SLC25A26: variants seen among roughly 807,000 people sequenced by gnomAD.
SLC25A26 encodes solute carrier family 25 member 26.
SLC25A26 carries 36 observed loss-of-function variants against 37.8 expected under a neutral mutation model. The observed-to-expected ratio is 0.95, with a 90% CI of 0.73 to 1.26. SLC25A26 has a LOEUF of 1.26. SLC25A26 is among the 50% of genes most tolerant of loss of function. The pLI, the probability that SLC25A26 is intolerant of heterozygous loss-of-function variation, is 0.00. For synonymous variants in SLC25A26, 129 were observed against 122.5 expected (o/e 1.05, Z -0.35); for missense variants, 390 against 331.1 (o/e 1.18, Z -1.38).
At chr3:66,263,414 A>G in intron 5 of SLC25A26, 35 bp downstream of exon 5, 1 of 1,342,418 alleles carries the variant, frequency 7.4e-7, no homozygotes, top group Non-Finnish European at 1.1e-6. Context: ...GAAGTACGAA[A>G]GAATGATGTC....
intron 6 of SLC25A26, among the ~76,000 whole-genome samples, chr3:66,347,197 C>G (rs1198145756): frequency 6.6e-6 from 1 of 151,970 alleles, no homozygotes; most frequent in Non-Finnish European, 1.5e-5. Context: ...ACCTACAGAA[C>G]GGGAGGAAAT....
chr3:66,336,412 A>G (rs1288411660), intron 5 of SLC25A26, among the ~76,000 whole-genome samples: 1 of 152,312 alleles, frequency 6.6e-6, no homozygotes, highest in African/African-American at 2.4e-5. Flanking sequence ...GGAACTGTAC[A>G]CAGTGATGTC....
chr3:66,250,223 C>A (rs140863556), intron 3 of SLC25A26, among the ~76,000 whole-genome samples: 2 of 152,256 alleles, frequency 1.3e-5, no homozygotes, highest in East Asian at 3.9e-4. Flanking sequence ...ATCTTAGATT[C>A]CTTCACCACT....
chr3:66,205,112 C>T (rs1408317205), intron 1 of SLC25A26, among the ~76,000 whole-genome samples: 1 of 152,146 alleles, frequency 6.6e-6, no homozygotes, highest in Non-Finnish European at 1.5e-5. Context: ...TTTAACATTT[C>T]ACTAATTGAA....
chr3:66,289,528 G>A (rs1323316215), intron 5 of SLC25A26, among the ~76,000 whole-genome samples: 1 of 152,136 alleles, frequency 6.6e-6, no homozygotes, highest in Admixed American at 6.5e-5. Flanking sequence ...TCCATTTTGA[G>A]TTTTCTGCTT....
intron 1 of SLC25A26, among the ~76,000 whole-genome samples, chr3:66,155,330 T>C (rs1020850004): frequency 3.3e-5 from 5 of 152,124 alleles, no homozygotes; most frequent in Non-Finnish European, 4.4e-5. Flanking sequence ...GGCAATGTAG[T>C]GAGACCCTGT....
chr3:66,150,016 G>T (rs78214365), intron 1 of SLC25A26, among the ~76,000 whole-genome samples: 26 of 152,210 alleles, frequency 1.7e-4, no homozygotes, highest in African/African-American at 6.0e-4. Context: ...GTGACCAAAC[G>T]TGGGGCTTTT....
chr3:66,145,587 G>T (rs745433831), intron 1 of SLC25A26, among the ~76,000 whole-genome samples: 4 of 151,462 alleles, frequency 2.6e-5, no homozygotes, highest in African/African-American at 9.7e-5. Context: ...TATAACTTTT[G>T]TTTTTTTTTA....
intron 1 of SLC25A26, among the ~76,000 whole-genome samples, chr3:66,209,595 A>G (rs1365866746): frequency 7.3e-6 from 1 of 137,766 alleles, no homozygotes; most frequent in Non-Finnish European, 1.5e-5. Flanking sequence ...GCATATATAT[A>G]TAAAAGGTAT....
At chr3:66,231,802 T>C (rs2072045530) in intron 1 of SLC25A26, among the ~76,000 whole-genome samples, 1 of 148,736 alleles carries the variant, frequency 6.7e-6, no homozygotes. Context: ...GATCTTGCTC[T>C]GTTGCCCAAG....
intron 6 of SLC25A26, among the ~76,000 whole-genome samples, chr3:66,360,442 A>G (rs2076671333): frequency 6.6e-6 from 1 of 152,222 alleles, no homozygotes; most frequent in South Asian, 2.1e-4. Flanking sequence ...GGAGAGGAAG[A>G]AGTACAACTG....
At chr3:66,180,039 A>G (rs983152337) in intron 1 of SLC25A26, among the ~76,000 whole-genome samples, 3 of 152,106 alleles carry the variant, frequency 2.0e-5, no homozygotes, top group Admixed American at 6.5e-5. Flanking sequence ...AAAACCCTTT[A>G]CTGGCTTCTG....
At chr3:66,164,494 C>G (rs2070399477) in intron 1 of SLC25A26, among the ~76,000 whole-genome samples, 1 of 151,928 alleles carries the variant, frequency 6.6e-6, no homozygotes, top group Admixed American at 6.6e-5. Flanking sequence ...CCCCCAATGC[C>G]CAATAGGCTT....
rs781692480 is a variant in SLC25A26 at position 66,362,935 on chromosome 3, A to G, written c.568+6A>G. On this transcript the variant is annotated splice_donor_region_variant and intron_variant, in intron 7 of 9. Coordinates refer to ENST00000354883, the MANE Select transcript of SLC25A26 (RefSeq NM_001379210.1). The stretch of plus-strand genomic sequence containing the variant: ...AGTCTGTGGAGCTTTTGCAGGTGCA[A>G]AGGATTATATTATACTGGGAAAGAC... 1.9e-6 allele frequency: 3 copies of G among 1,591,592 alleles called. No individual in the cohort carries two copies. Among genetic ancestry groups the G allele is most frequent in the Non-Finnish European group, 2.6e-6 (3 of 1,165,460 alleles).
At chr3:66,293,429 T>C (rs1031329575) in intron 5 of SLC25A26, among the ~76,000 whole-genome samples, 4 of 152,038 alleles carry the variant, frequency 2.6e-5, no homozygotes, top group Non-Finnish European at 2.9e-5. Context: ...TGGTTTGTTA[T>C]GTAGGGAGAC....
rs985424248 is a variant in SLC25A26, at chr3:66,185,247, T to C, written c.-353-35495T>C. 9.2e-5 allele frequency among the ~76,000 whole-genome samples: 14 copies of C among 152,350 alleles called. No individual in the cohort carries two copies. In the East Asian group the frequency reaches 2.7e-3, roughly 29 times the overall value. The stretch of plus-strand genomic sequence containing the variant: ...GACTGGATCATTTCACTTAGTATAA[T>C]AACCTTGAGATTCATCCATGTAGTA... On this transcript the variant is annotated intron_variant, in intron 1 of 10. Transcript: ENST00000676754.
intron 3 of SLC25A26, among the ~76,000 whole-genome samples, chr3:66,248,638 G>C (rs781958287): frequency 2.6e-5 from 4 of 152,190 alleles, no homozygotes; most frequent in Non-Finnish European, 5.9e-5. Flanking sequence ...TGTAATGTAT[G>C]TTCATAGGTG....
intron 5 of SLC25A26, among the ~76,000 whole-genome samples, chr3:66,266,324 T>C (rs1301347246): frequency 6.6e-6 from 1 of 152,366 alleles, no homozygotes; most frequent in Non-Finnish European, 1.5e-5. Flanking sequence ...TTATAAATAG[T>C]TTAGATTCTT....
In SLC25A26 at chr3:66,362,849, C is replaced by G; in HGVS notation, c.499-11C>G. 6.3e-7 allele frequency: 1 copy of G among 1,580,992 alleles called. No individual in the cohort carries two copies. The highest frequency in any genetic ancestry group is 2.3e-5 in the East Asian group (1 of 43,798). Reference sequence around the variant, plus strand: ...TTAATAACTTGTATTTTTCTTTCTCCTTAAACACAGGCCCTCTGGTCCTGG... The same window carrying G: ...TTAATAACTTGTATTTTTCTTTCTCGTTAAACACAGGCCCTCTGGTCCTGG... On this transcript the variant is annotated splice_polypyrimidine_tract_variant and intron_variant, in intron 6 of 9. Transcript: ENST00000354883.
Sources: allele counts gnomAD v4.1 joint callset (sites outside exome capture counted in the v4.1 genomes callset), GRCh38; gene constraint gnomAD v4.1.1; transcripts MANE v1.5; gene names NCBI Gene and HGNC (gene_info 2026-07-23, HGNC 2026-07-21).